The following NANOS3 variants were observed in gnomAD, a reference collection of about 807,000 sequenced individuals.
NANOS3 encodes nanos homolog 3.
A neutral mutation model predicts 13.8 loss-of-function variants in NANOS3; 11 were observed. The ratio of observed to expected loss-of-function variants is 0.80; its 90% confidence interval spans 0.50 to 1.32. The LOEUF (loss-of-function observed/expected upper bound fraction) is 1.32. Ranked by LOEUF, NANOS3 falls within the 40% of genes most tolerant of loss-of-function variation. The probability of loss-of-function intolerance (pLI) is 0.00; values close to 1 mark genes in which losing one functional copy is unlikely to be tolerated. For synonymous variants in NANOS3, 119 were observed against 115.4 expected (o/e 1.03, Z -0.20); for missense variants, 221 against 263.8 (o/e 0.84, Z 1.12).
At chr19:13,876,549 C>T (rs889281845), upstream of NANOS3, among the ~76,000 whole-genome samples, 1 of 152,158 alleles carries the variant, frequency 6.6e-6, no homozygotes, top group Admixed American at 6.5e-5. Context: ...ACTAAGACAA[C>T]CGATGTGAAA....
At chr19:13,869,015 A>G (rs1426557857) in intron 1 of NANOS3, among the ~76,000 whole-genome samples, 6 of 151,834 alleles carry the variant, frequency 4.0e-5, no homozygotes, top group East Asian at 1.9e-4. Context: ...GAACCCCCCA[A>G]AATACCTCAG....
At chr19:13,874,700 G>C, upstream of NANOS3, 1 of 530,786 alleles carries the variant, frequency 1.9e-6, no homozygotes, top group Non-Finnish European at 3.9e-6. Flanking sequence ...TCCAGGTCCC[G>C]GAAAATTTGC....
chr19:13,866,264 C>T (rs1190464982), intron 1 of NANOS3, among the ~76,000 whole-genome samples: 2 of 151,868 alleles, frequency 1.3e-5, no homozygotes, highest in Non-Finnish European at 2.9e-5. Flanking sequence ...GGAGGGCAGG[C>T]TGGGGGTGGG....
At chr19:13,865,775 C>A (rs1039663390) in intron 1 of NANOS3, among the ~76,000 whole-genome samples, 2 of 145,322 alleles carry the variant, frequency 1.4e-5, no homozygotes, top group African/African-American at 2.6e-5. Context: ...CGGGGACGCG[C>A]GATGGGGGGC....
At chr19:13,868,161 C>A (rs551931600) in intron 1 of NANOS3, among the ~76,000 whole-genome samples, 1 of 151,974 alleles carries the variant, frequency 6.6e-6, no homozygotes, top group African/African-American at 2.4e-5. Context: ...CAGGTTCAAG[C>A]GATTCTCCTG....
rs528763342 is a variant in NANOS3, at chr19:13,879,103, C to T, written c.517+1338C>T. ...TACAGGCACCCACCACCACGCACGG[C>T]TAATTTTTGTATTTTTAGTACAGAC... is the stretch of plus-strand genomic sequence containing the variant. On this transcript the variant is annotated intron_variant, in intron 1 of 1. Coordinates refer to ENST00000339133, the MANE Select transcript of NANOS3 (RefSeq NM_001098622.3). Among the ~76,000 whole-genome samples the T allele has an allele frequency of 8.2e-4, 125 of 152,142 alleles. 1 individual carries two copies. The highest frequency in any genetic ancestry group is 1.5e-3 in the Non-Finnish European group (100 of 68,022).
upstream of NANOS3, chr19:13,874,992 G>C (rs538571642): frequency 7.8e-6 from 4 of 512,324 alleles, no homozygotes; most frequent in Non-Finnish European, 1.6e-5. Context: ...GGCCAGACAC[G>C]GCTTAAGGGG....
At chr19:13,878,179 C>T (rs188713513) in intron 1 of NANOS3, among the ~76,000 whole-genome samples, 111 of 151,228 alleles carry the variant, frequency 7.3e-4, no homozygotes, top group African/African-American at 2.6e-3. Flanking sequence ...CCGCCCACCT[C>T]GGCCTCCCAA....
intron 1 of NANOS3, among the ~76,000 whole-genome samples, chr19:13,870,773 T>C (rs573746614): frequency 7.0e-4 from 106 of 150,998 alleles, no homozygotes; most frequent in Non-Finnish European, 1.3e-3. Context: ...AGAGATGGGG[T>C]TTCACCATGT....
chr19:13,870,696 T>C (rs1419725093), intron 1 of NANOS3, among the ~76,000 whole-genome samples: 1 of 150,286 alleles, frequency 6.7e-6, no homozygotes, highest in Non-Finnish European at 1.5e-5. Flanking sequence ...GCCTCCCAAG[T>C]AGCTGGGACT....
At chr19:13,869,063 C>T (rs1336285474) in intron 1 of NANOS3, among the ~76,000 whole-genome samples, 1 of 152,128 alleles carries the variant, frequency 6.6e-6, no homozygotes, top group Non-Finnish European at 1.5e-5. Context: ...TTTATAGACC[C>T]ATAGAAACAT....
intron 1 of NANOS3, among the ~76,000 whole-genome samples, chr19:13,871,492 A>G (rs1472274495): frequency 6.6e-6 from 1 of 152,192 alleles, no homozygotes; most frequent in African/African-American, 2.4e-5. Context: ...CTGGCCTTCA[A>G]GACCAGACCC....
intron 1 of NANOS3, among the ~76,000 whole-genome samples, chr19:13,878,004 A>T (rs950728681): frequency 1.4e-5 from 2 of 147,152 alleles, no homozygotes; most frequent in South Asian, 4.4e-4. Context: ...CACCTCCTGG[A>T]TTCAAGCGAT....
chr19:13,862,754 G>A (rs924826106), upstream of NANOS3, among the ~76,000 whole-genome samples: 4 of 152,014 alleles, frequency 2.6e-5, no homozygotes, highest in Admixed American at 1.3e-4. Flanking sequence ...GGTCAGGCTG[G>A]TCTCGAACTC....
At chr19:13,865,327 C>T (rs1056069223), upstream of NANOS3, 18 of 145,458 alleles carry the variant, frequency 1.2e-4, no homozygotes, top group African/African-American at 4.2e-4. Flanking sequence ...CCCCGCCCTG[C>T]CCCGGAGCCG....
At chr19:13,864,860 G>GGCCCGGCAC (rs1976207757), upstream of NANOS3, among the ~76,000 whole-genome samples, 1 of 152,080 alleles carries the variant, frequency 6.6e-6, no homozygotes, top group Non-Finnish European at 1.5e-5. Context: ...ACCCTCGTGC[G>GGCCCGGCAC]GCCCGGCACG....
intron 1 of NANOS3, among the ~76,000 whole-genome samples, chr19:13,867,845 C>A (rs146684043): frequency 6.6e-6 from 1 of 152,092 alleles, no homozygotes; most frequent in East Asian, 1.9e-4. Context: ...TGAGCACGAA[C>A]CCAGTGGCCA....
At chr19:13,869,169 TA>T (rs1442324516) in intron 1 of NANOS3, among the ~76,000 whole-genome samples, 1 of 152,148 alleles carries the variant, frequency 6.6e-6, no homozygotes, top group Non-Finnish European at 1.5e-5. Context: ...TTTCCCTTAT[TA>T]AAAAATTTTT....
intron 1 of NANOS3, among the ~76,000 whole-genome samples, chr19:13,867,156 G>T (rs1019881906): frequency 6.6e-6 from 1 of 152,026 alleles, no homozygotes; most frequent in East Asian, 1.9e-4. Flanking sequence ...GGCCAGGCTG[G>T]TCTTGAACTC....
Sources: gnomAD v4.1 joint callset for allele counts (sites outside exome capture counted in the v4.1 genomes callset) on GRCh38, gnomAD v4.1.1 for gene constraint, MANE v1.5 for transcripts, NCBI Gene and HGNC (gene_info 2026-07-23, HGNC 2026-07-21) for gene names.